SDK1: variants seen among roughly 807,000 people sequenced by gnomAD.
SDK1 encodes sidekick cell adhesion molecule 1.
Under a neutral mutation model 245.5 loss-of-function variants are expected in SDK1, and 157 were observed. The observed-to-expected ratio is 0.64, with a 90% CI of 0.56 to 0.73. The LOEUF is 0.73. SDK1 is among the 30% of genes least tolerant of loss of function. The pLI is 0.00. For missense variants in SDK1, 3,583 were observed against 3,002.3 expected (o/e 1.19, Z -4.52); for synonymous variants, 1,647 against 1,278.5 (o/e 1.29, Z -6.15).
intron 37 of SDK1, 94 bp downstream of exon 37, chr7:4,208,379 C>A: frequency 1.7e-6 from 2 of 1,181,588 alleles, no homozygotes; most frequent in Non-Finnish European, 2.4e-6. Context: ...GTTCCCGGCC[C>A]GCCCAGGCGG....
chr7:3,852,838 T>G (rs1780452950), intron 5 of SDK1, among the ~76,000 whole-genome samples: 1 of 152,056 alleles, frequency 6.6e-6, no homozygotes, highest in Non-Finnish European at 1.5e-5. Context: ...ATATGTTTCT[T>G]TATTCTTTAA....
chr7:3,518,934 A>G (rs1408702552), intron 1 of SDK1, among the ~76,000 whole-genome samples: 2 of 151,780 alleles, frequency 1.3e-5, no homozygotes, highest in Non-Finnish European at 2.9e-5. Context: ...AATGTGCTAT[A>G]TATATGCAAT....
intron 4 of SDK1, among the ~76,000 whole-genome samples, chr7:3,716,114 C>CAAA (rs34348813): frequency 1.2e-5 from 1 of 82,128 alleles, no homozygotes; most frequent in African/African-American, 4.0e-5. Context: ...AAAAGGTAGA[C>CAAA]AAAAAAAAAA....
At chr7:3,602,049 T>C (rs1233910222) in intron 1 of SDK1, among the ~76,000 whole-genome samples, 1 of 151,956 alleles carries the variant, frequency 6.6e-6, no homozygotes, top group Non-Finnish European at 1.5e-5. Context: ...GGAGTATATG[T>C]GCCACATTTT....
At chr7:3,568,356 C>T (rs1165663083) in intron 1 of SDK1, among the ~76,000 whole-genome samples, 1 of 152,096 alleles carries the variant, frequency 6.6e-6, no homozygotes, top group Non-Finnish European at 1.5e-5. Context: ...TCAGTGTTCC[C>T]ACTGCTCTTT....
chr7:3,616,065 T>G (rs1781761538), intron 1 of SDK1, among the ~76,000 whole-genome samples: 1 of 151,970 alleles, frequency 6.6e-6, no homozygotes, highest in South Asian at 2.1e-4. Flanking sequence ...TTAAAAAACT[T>G]TTTGTGGAGA....
In SDK1 at chr7:4,268,117, G is replaced by C; in HGVS notation, c.*2733G>C. The C allele has an allele frequency of 1.0e-6, 1 of 985,872 alleles. No individual in the cohort carries two copies. Among genetic ancestry groups the C allele is most frequent in the Non-Finnish European group, 1.2e-6 (1 of 830,246 alleles). The allele number at this position is 985,872 out of a possible 1,614,324, so 61.1% of individuals were successfully genotyped here. On this transcript the variant is annotated 3_prime_UTR_variant, in exon 45 of 45. Coordinates refer to ENST00000404826, the MANE Select transcript of SDK1 (RefSeq NM_152744.4). ...ATGGAATGTGCTCCCGCTCTCTCCT[G>C]CCGTGCTGAAAGTCATGCCTTGCGG... is the stretch of plus-strand genomic sequence containing the variant.
intron 5 of SDK1, among the ~76,000 whole-genome samples, chr7:3,918,932 A>T (rs1387768505): frequency 6.6e-6 from 1 of 152,180 alleles, no homozygotes; most frequent in Non-Finnish European, 1.5e-5. Context: ...TTTCAGATTG[A>T]TGTGTTACCG....
At chr7:3,349,552 C>T (rs774421058) in intron 1 of SDK1, among the ~76,000 whole-genome samples, 3 of 152,126 alleles carry the variant, frequency 2.0e-5, no homozygotes, top group Non-Finnish European at 1.5e-5. Context: ...AGGATATGGG[C>T]AAGGAAACTG....
At chr7:3,817,468 G>T (rs1779537984) in intron 4 of SDK1, among the ~76,000 whole-genome samples, 1 of 152,198 alleles carries the variant, frequency 6.6e-6, no homozygotes, top group Admixed American at 6.5e-5. Context: ...GTGGTGATCA[G>T]GGTGAATGTA....
At chr7:3,379,490 C>T (rs1305434589) in intron 1 of SDK1, among the ~76,000 whole-genome samples, 1 of 152,052 alleles carries the variant, frequency 6.6e-6, no homozygotes, top group African/African-American at 2.4e-5. Context: ...GCTTTGGAAA[C>T]AGGATGGGGA....
intron 19 of SDK1, among the ~76,000 whole-genome samples, chr7:4,061,001 A>T (rs1254638214): frequency 2.6e-5 from 4 of 152,150 alleles, no homozygotes. Context: ...GTTGATCTAT[A>T]TCTCTGTTTT....
intron 1 of SDK1, among the ~76,000 whole-genome samples, chr7:3,404,421 T>C (rs1049251863): frequency 2.0e-5 from 3 of 152,228 alleles, no homozygotes; most frequent in African/African-American, 7.2e-5. Context: ...TTTTCTGCCA[T>C]GGTTGATAAA....
intron 1 of SDK1, among the ~76,000 whole-genome samples, chr7:3,574,424 T>A (rs1001004294): frequency 1.3e-5 from 2 of 151,990 alleles, no homozygotes; most frequent in African/African-American, 2.4e-5. Flanking sequence ...CTCACATACC[T>A]CATTTGACCC....
rs189033689 is a variant in SDK1 at position 4,032,064 on chromosome 7, G to A, written c.2602+14712G>A. ...AAAAAAGTACATAGATAGATAGATC[G>A]ATCGATCGATCATGTCCTAGGCCAC... On this transcript the variant is annotated intron_variant, in intron 17 of 44. Coordinates refer to ENST00000404826, the MANE Select transcript of SDK1 (RefSeq NM_152744.4). Among the ~76,000 whole-genome samples the A allele has an allele frequency of 5.4e-3, 808 of 150,760 alleles. 6 individuals carry two copies. Among genetic ancestry groups the A allele is most frequent in the South Asian group, 0.04 (188 of 4,748 alleles).
At chr7:3,470,333 C>T (rs1781141179) in intron 1 of SDK1, among the ~76,000 whole-genome samples, 1 of 152,094 alleles carries the variant, frequency 6.6e-6, no homozygotes, top group African/African-American at 2.4e-5. Flanking sequence ...CTGTGTGCCT[C>T]AGAGATAGTC....
chr7:4,248,449 A>G (rs1298201541), intron 44 of SDK1, among the ~76,000 whole-genome samples: 1 of 143,028 alleles, frequency 7.0e-6, no homozygotes, highest in East Asian at 1.9e-4. Flanking sequence ...ACCTGAATAC[A>G]TGCACACATG....
intron 1 of SDK1, among the ~76,000 whole-genome samples, chr7:3,326,430 C>G (rs1045087060): frequency 6.6e-6 from 1 of 152,106 alleles, no homozygotes; most frequent in African/African-American, 2.4e-5. Context: ...ACTCTGATAT[C>G]ACTAGACATT....
intron 1 of SDK1, among the ~76,000 whole-genome samples, chr7:3,363,732 C>G (rs1210272322): frequency 1.3e-5 from 2 of 152,202 alleles, no homozygotes; most frequent in Non-Finnish European, 2.9e-5. Flanking sequence ...CTATGAGAAT[C>G]TAATGCTGCT....
Sources: allele counts gnomAD v4.1 joint callset (sites outside exome capture counted in the v4.1 genomes callset), GRCh38; gene constraint gnomAD v4.1.1; transcripts MANE v1.5; gene names NCBI Gene and HGNC (gene_info 2026-07-23, HGNC 2026-07-21).